GRM7: variants seen among roughly 807,000 people sequenced by gnomAD.
GRM7 encodes the protein glutamate metabotropic receptor 7.
In GRM7, 35 loss-of-function variants were observed where a neutral mutation model predicts 84.5. The ratio of observed to expected loss-of-function variants is 0.41; its 90% CI spans 0.32 to 0.55. GRM7 has a LOEUF of 0.55. Among genes scored for constraint, GRM7 ranks in the 20% least tolerant of loss-of-function variants. The pLI is 0.19. For synonymous variants in GRM7, 487 were observed against 455.1 expected, an observed-to-expected ratio of 1.07 and a Z score of -0.89; for missense variants, 1,003 against 1,194.6, an observed-to-expected ratio of 0.84 and a Z score of 2.36.
intron 9 of GRM7, among the ~76,000 whole-genome samples, chr3:7,732,390 TG>T (rs1257556887): frequency 2.6e-5 from 4 of 152,174 alleles, no homozygotes; most frequent in Non-Finnish European, 4.4e-5. Flanking sequence ...TGCTTCACCC[TG>T]GTTGTGTATG....
intron 8 of GRM7, among the ~76,000 whole-genome samples, chr3:7,665,232 C>T (rs897338486): frequency 1.3e-4 from 19 of 141,078 alleles, no homozygotes; most frequent in South Asian, 4.4e-4. Context: ...AGTGCAGTGG[C>T]GCAATCTCGG....
chr3:7,358,096 T>C (rs991543938), intron 4 of GRM7, among the ~76,000 whole-genome samples: 1 of 152,108 alleles, frequency 6.6e-6, no homozygotes. Context: ...AGAATACACA[T>C]GACAAACAAC....
chr3:7,097,378 TAACTG>T (rs1446072482), intron 1 of GRM7, among the ~76,000 whole-genome samples: 29 of 152,138 alleles, frequency 1.9e-4, no homozygotes, highest in African/African-American at 7.0e-4. Context: ...TTGTAACAAT[TAACTG>T]AATTGATTAT....
chr3:6,993,485 G>A (rs921696828), intron 1 of GRM7, among the ~76,000 whole-genome samples: 2 of 152,180 alleles, frequency 1.3e-5, no homozygotes, highest in Admixed American at 6.5e-5. Context: ...CAAATACATG[G>A]TGTGCGTCCA....
At chr3:7,376,577 A>G (rs1694360358) in intron 4 of GRM7, among the ~76,000 whole-genome samples, 1 of 152,162 alleles carries the variant, frequency 6.6e-6, no homozygotes, top group African/African-American at 2.4e-5. Context: ...CTAGACCAGA[A>G]TTTTGCAATG....
At chr3:7,290,195 A>C (rs1699574255) in intron 2 of GRM7, among the ~76,000 whole-genome samples, 1 of 152,220 alleles carries the variant, frequency 6.6e-6, no homozygotes, top group Non-Finnish European at 1.5e-5. Flanking sequence ...GTATCAACAC[A>C]AAGTAAAGGA....
intron 4 of GRM7, among the ~76,000 whole-genome samples, chr3:7,341,194 T>G (rs892519246): frequency 6.6e-6 from 1 of 152,250 alleles, no homozygotes; most frequent in Admixed American, 6.5e-5. Flanking sequence ...CACAGTCAAC[T>G]GATGCTGTGG....
chr3:7,128,762 C>T (rs1693489987), intron 1 of GRM7, among the ~76,000 whole-genome samples: 1 of 151,808 alleles, frequency 6.6e-6, no homozygotes, highest in Non-Finnish European at 1.5e-5. Flanking sequence ...CCCACCTTCG[C>T]TTCCCAAAGT....
At chr3:7,564,011 A>T (rs1172423921) in intron 7 of GRM7, among the ~76,000 whole-genome samples, 1 of 152,212 alleles carries the variant, frequency 6.6e-6, no homozygotes, top group Non-Finnish European at 1.5e-5. Context: ...AAGAGAAAGC[A>T]GAGTAAAGGA....
At chr3:7,294,133 G>A (rs1016107592) in intron 2 of GRM7, among the ~76,000 whole-genome samples, 3 of 152,190 alleles carry the variant, frequency 2.0e-5, no homozygotes, top group African/African-American at 7.2e-5. Flanking sequence ...CAATTCTGCA[G>A]TCATGAAACT....
intron 2 of GRM7, among the ~76,000 whole-genome samples, chr3:7,264,322 C>T (rs764420823): frequency 3.3e-5 from 5 of 152,180 alleles, no homozygotes; most frequent in Non-Finnish European, 7.4e-5. Flanking sequence ...ACTACAGACA[C>T]TCCTGCGCCA....
chr3:7,143,386 G>A (rs1694011416), intron 1 of GRM7, among the ~76,000 whole-genome samples: 1 of 152,020 alleles, frequency 6.6e-6, no homozygotes, highest in African/African-American at 2.4e-5. Flanking sequence ...TTTTATCTCA[G>A]AATAAAATCC....
At chr3:7,120,812 G>A (rs1158724150) in intron 1 of GRM7, among the ~76,000 whole-genome samples, 1 of 152,072 alleles carries the variant, frequency 6.6e-6, no homozygotes, top group African/African-American at 2.4e-5. Flanking sequence ...ACCATAACAA[G>A]TTTACTTTAT....
At chr3:6,920,119 A>T (rs992852826) in intron 1 of GRM7, among the ~76,000 whole-genome samples, 1 of 152,232 alleles carries the variant, frequency 6.6e-6, no homozygotes, top group African/African-American at 2.4e-5. Flanking sequence ...GTATGATTTA[A>T]ATGTAAGGCA....
At chr3:7,038,149 G>T (rs984345941) in intron 1 of GRM7, among the ~76,000 whole-genome samples, 2 of 152,138 alleles carry the variant, frequency 1.3e-5, no homozygotes, top group Admixed American at 1.3e-4. Context: ...CAACCTCAGC[G>T]ACAAAGCTGA....
chr3:7,374,885 A>C (rs1694283513), intron 4 of GRM7, among the ~76,000 whole-genome samples: 2 of 152,098 alleles, frequency 1.3e-5, no homozygotes, highest in African/African-American at 4.8e-5. Context: ...CAGCTTTCTG[A>C]GTTTGTGACC....
intron 4 of GRM7, among the ~76,000 whole-genome samples, chr3:7,392,822 GA>G (rs1202306723): frequency 3.9e-5 from 6 of 152,214 alleles, no homozygotes; most frequent in African/African-American, 1.4e-4. Context: ...CTTTGTGGGT[GA>G]AAAGCTGTGA....
intron 9 of GRM7, among the ~76,000 whole-genome samples, chr3:7,735,328 A>G (rs1258178999): frequency 6.8e-6 from 1 of 147,526 alleles, no homozygotes; most frequent in Non-Finnish European, 1.5e-5. Flanking sequence ...TTTAAGAAAT[A>G]TCCCCATGTA....
At position 7,182,019 on chromosome 3, in the gene GRM7, GTTAC is replaced by G. The variant is rs533654668; in HGVS notation, c.736+35354_736+35357del. ...AATGGCCTTGGTACAATATCAGTCT[GTTAC>G]TTTCTTTTTCAAGTTCAAGGCTAAA... On this transcript the variant is annotated intron_variant, in intron 2 of 9. Transcript: ENST00000357716. 2.8e-3 allele frequency among the ~76,000 whole-genome samples: 431 copies of G among 152,280 alleles called. 2 individuals carry two copies. Among genetic ancestry groups the G allele is most frequent in the African/African-American group, 1.0e-2 (415 of 41,556 alleles).
Sources: gnomAD v4.1 joint callset for allele counts (sites outside exome capture counted in the v4.1 genomes callset) on GRCh38, gnomAD v4.1.1 for gene constraint, MANE v1.5 for transcripts, NCBI Gene and HGNC (gene_info 2026-07-23, HGNC 2026-07-21) for gene names.